Variants in SRBD1 observed in about 807,000 individuals in gnomAD.
SRBD1 encodes the protein S1 RNA-binding domain-containing protein 1.
Under a neutral mutation model 115.3 loss-of-function variants are expected in SRBD1, and 88 were observed. The ratio of observed to expected loss-of-function variants is 0.76; its 90% CI spans 0.64 to 0.91. SRBD1 has a LOEUF of 0.91. Ranked by LOEUF, SRBD1 falls within the 40% of genes least tolerant of loss-of-function variation. The probability of loss-of-function intolerance (pLI) is 0.00; values close to 1 mark genes in which losing one functional copy is unlikely to be tolerated. For missense variants in SRBD1, 1,385 were observed against 1,177.4 expected (o/e 1.18, Z -2.58); for synonymous variants, 509 against 407.7 (o/e 1.25, Z -2.99).
At chr2:45,529,663 T>C (rs1490856241) in intron 14 of SRBD1, among the ~76,000 whole-genome samples, 3 of 151,584 alleles carry the variant, frequency 2.0e-5, no homozygotes, top group Admixed American at 6.6e-5. Context: ...AGATACAGAG[T>C]CTCCCAAATG....
chr2:45,565,424 TGCAAA>T (rs1672795609), intron 9 of SRBD1, among the ~76,000 whole-genome samples: 2 of 152,158 alleles, frequency 1.3e-5, no homozygotes, highest in Non-Finnish European at 2.9e-5. Flanking sequence ...ACTCACCACA[TGCAAA>T]AGAACAAAAG....
At chr2:45,447,188 C>A (rs150512698) in intron 16 of SRBD1, 6 of 152,394 alleles carry the variant, frequency 3.9e-5, no homozygotes, top group South Asian at 2.1e-4. Context: ...CAGTGGCTCA[C>A]GCCTGTAATC....
At chr2:45,555,861 T>C (rs1672459403) in intron 10 of SRBD1, among the ~76,000 whole-genome samples, 1 of 152,166 alleles carries the variant, frequency 6.6e-6, no homozygotes, top group South Asian at 2.1e-4. Context: ...ACAGTGGGCA[T>C]ATAAACCTGT....
At chr2:45,446,713 C>T (rs991353981) in intron 16 of SRBD1, among the ~76,000 whole-genome samples, 50 of 150,496 alleles carry the variant, frequency 3.3e-4, no homozygotes, top group African/African-American at 1.1e-3. Context: ...AAAAAAACCC[C>T]ACAGAACACC....
chr2:45,572,662 GCC>G, intron 9 of SRBD1, among the ~76,000 whole-genome samples: 1 of 152,050 alleles, frequency 6.6e-6, no homozygotes, highest in South Asian at 2.1e-4. Flanking sequence ...AAATATAAAC[GCC>G]AGTGTTACTG....
In SRBD1 at chr2:45,585,778, C is replaced by A. The variant is rs1673502383; in HGVS notation, c.649-4G>T. 1 of 1,578,804 alleles carries A rather than the reference C, an allele frequency of 6.3e-7. No individual in the cohort carries two copies. Among genetic ancestry groups the A allele is most frequent in the Non-Finnish European group, 8.6e-7 (1 of 1,169,116 alleles). Reference sequence around the variant, plus strand: ...TATTAGTTCTCTCAGATAAAACCTGCAAATTAAAGATACTTAGTGATTTAA... The same window carrying A: ...TATTAGTTCTCTCAGATAAAACCTGAAAATTAAAGATACTTAGTGATTTAA... On this transcript the variant is annotated splice_region_variant and splice_polypyrimidine_tract_variant and intron_variant, in intron 4 of 20. Coordinates refer to ENST00000263736, the MANE Select transcript of SRBD1 (RefSeq NM_018079.5).
In SRBD1 at chr2:45,553,731, C is replaced by A; in HGVS notation, c.1410-1G>T. On this transcript the variant is annotated splice_acceptor_variant, in intron 10 of 20. Coordinates refer to ENST00000263736, the MANE Select transcript of SRBD1 (RefSeq NM_018079.5). LOFTEE classifies it high-confidence loss of function. ...CCTTGCAAAGCTACGTGGTCTCCAC[C>A]TGCAAAACAGAAAAGCCCACACTAA... 6.4e-7 allele frequency: 1 copy of A among 1,563,472 alleles called. No individual in the cohort carries two copies. Among genetic ancestry groups the A allele is most frequent in the Non-Finnish European group, 8.6e-7 (1 of 1,158,188 alleles).
At chr2:45,428,047 ATTC>A (rs1378781003) in intron 16 of SRBD1, among the ~76,000 whole-genome samples, 8 of 152,216 alleles carry the variant, frequency 5.3e-5, no homozygotes, top group Admixed American at 1.3e-4. Context: ...CAGAATATAC[ATTC>A]TTCTCAGCAC....
rs59451865 is a variant in SRBD1 at position 45,445,550 on chromosome 2, T to TAAAAAAAAAA, written c.2050-25666_2050-25657dup. ...CACAGAAGCAATATCTTCCCAGAGG[T>TAAAAAAAAAA]AAAAAAAAAAAAAAAAAAAAAAAAA... On this transcript the variant is annotated intron_variant, in intron 16 of 20. Coordinates refer to ENST00000263736, the MANE Select transcript of SRBD1 (RefSeq NM_018079.5). Among the ~76,000 whole-genome samples, 10 of 37,040 alleles carry TAAAAAAAAAA rather than the reference T, an allele frequency of 2.7e-4. 1 individual carries two copies. The highest frequency in any genetic ancestry group is 5.2e-4 in the African/African-American group (7 of 13,422). 24.3% of individuals were successfully genotyped at this position (37,040 alleles called of 152,430 possible). A position where few individuals can be genotyped will look rare whatever the true frequency, so the allele number is the denominator to read the frequency against.
rs76915227 is a variant in SRBD1, at chr2:45,484,576, T to C, written c.1966+3664A>G. Among the ~76,000 whole-genome samples the C allele has an allele frequency of 7.9e-3, 1,205 of 152,306 alleles. 15 individuals carry two copies. Among genetic ancestry groups the C allele is most frequent in the African/African-American group, 0.027 (1,135 of 41,562 alleles). On this transcript the variant is annotated intron_variant, in intron 15 of 20. Transcript: ENST00000263736. ...GGAAGGGGATGTTAATTGTTATTGT[T>C]ATTTTATTGAGGTGAAATTCCCATA...
Position 45,479,841 on chromosome 2 carries a change from GC to G in SRBD1, c.1967-2767del, listed in dbSNP as rs1324293233. Among the ~76,000 whole-genome samples, 16 of 152,324 alleles carry G rather than the reference GC, an allele frequency of 1.1e-4. 1 individual carries two copies. In the East Asian group the frequency reaches 3.1e-3, roughly 29 times the overall value. ...TCATAGCTAGAGAGGAGAAGTCAAT[GC>G]CTGGCTTCAAAGATTCAAAAGACAG... On this transcript the variant is annotated intron_variant, in intron 15 of 20. Transcript: ENST00000263736.
intron 16 of SRBD1, among the ~76,000 whole-genome samples, chr2:45,436,906 C>A (rs714041): frequency 0.34 from 51,923 of 152,000 alleles, 9,890 homozygotes; most frequent in Non-Finnish European, 0.44. Flanking sequence ...GGAACTAATA[C>A]GTGATCACAG....
At chr2:45,533,995 A>G (rs1262992779) in intron 14 of SRBD1, among the ~76,000 whole-genome samples, 2 of 152,068 alleles carry the variant, frequency 1.3e-5, no homozygotes, top group African/African-American at 4.8e-5. Context: ...GTCAATAAAC[A>G]AAGATCTGCA....
intron 7 of SRBD1, among the ~76,000 whole-genome samples, chr2:45,576,883 C>G (rs573891173): frequency 1.3e-5 from 2 of 152,258 alleles, no homozygotes; most frequent in East Asian, 3.9e-4. Context: ...CTTTGAAAAT[C>G]CCCCATCATA....
At chr2:45,509,563 T>G (rs1337096723) in intron 14 of SRBD1, among the ~76,000 whole-genome samples, 1 of 130,654 alleles carries the variant, frequency 7.7e-6, no homozygotes, top group Non-Finnish European at 1.7e-5. Flanking sequence ...ACCACTGCAC[T>G]CCAGCCTGGA....
intron 1 of SRBD1, among the ~76,000 whole-genome samples, chr2:45,610,746 GATA>G (rs1558512514): frequency 6.6e-6 from 1 of 152,144 alleles, no homozygotes; most frequent in East Asian, 1.9e-4. Context: ...TCCCACCTCC[GATA>G]ATTTTAGGTA....
intron 14 of SRBD1, among the ~76,000 whole-genome samples, chr2:45,544,318 T>C (rs1319277494): frequency 6.6e-6 from 1 of 151,556 alleles, no homozygotes; most frequent in Non-Finnish European, 1.5e-5. Flanking sequence ...TTACTACAAA[T>C]AGCCTTAAAA....
intron 19 of SRBD1, among the ~76,000 whole-genome samples, chr2:45,408,228 T>C (rs910124612): frequency 2.0e-5 from 3 of 152,214 alleles, no homozygotes; most frequent in African/African-American, 4.8e-5. Context: ...TGTGAGAATA[T>C]ATAGAGTATG....
At chr2:45,452,829 A>G (rs919598955) in intron 16 of SRBD1, among the ~76,000 whole-genome samples, 10 of 151,974 alleles carry the variant, frequency 6.6e-5, no homozygotes, top group Admixed American at 2.0e-4. Flanking sequence ...TCACCCAAAA[A>G]TAACAGTTTC....
Sources: allele counts gnomAD v4.1 joint callset (sites outside exome capture counted in the v4.1 genomes callset), GRCh38; gene constraint gnomAD v4.1.1; transcripts MANE v1.5; gene names NCBI Gene and HGNC (gene_info 2026-07-23, HGNC 2026-07-21).